ZFAND3: variants seen among roughly 807,000 people sequenced by gnomAD.
The protein encoded by ZFAND3 is zinc finger AN1-type containing 3.
In ZFAND3, 10 loss-of-function variants were observed where a neutral mutation model predicts 29.6. The ratio of observed to expected loss-of-function variants is 0.34; its 90% CI spans 0.21 to 0.57. The LOEUF (loss-of-function observed/expected upper bound fraction) is 0.57, where lower values mean the gene tolerates loss of function less well. Ranked by LOEUF, ZFAND3 falls within the 20% of genes least tolerant of loss-of-function variation. The pLI, the probability that ZFAND3 is intolerant of heterozygous loss-of-function variation, is 0.86. For synonymous variants in ZFAND3, 128 were observed against 112.6 expected, an observed-to-expected ratio of 1.14 and a Z score of -0.87; for missense variants, 230 against 304.5, an observed-to-expected ratio of 0.76 and a Z score of 1.82.
At chr6:38,133,096 T>A (rs1338738892) in intron 5 of ZFAND3, among the ~76,000 whole-genome samples, 1 of 152,212 alleles carries the variant, frequency 6.6e-6, no homozygotes, top group Non-Finnish European at 1.5e-5. Flanking sequence ...TGGTGTCTTT[T>A]TTAACAAAAC....
intron 2 of ZFAND3, among the ~76,000 whole-genome samples, chr6:38,041,670 CTTCTTCTTCTTCTTCTCCTTCTCCTT>C: frequency 4.1e-5 from 1 of 24,378 alleles, no homozygotes; most frequent in African/African-American, 1.6e-4. Context: ...TCTTCTTCTT[CTTCTTCTTCTTCTTCTCCTTCTCCTT>C]CTCCTCCTCC....
intron 2 of ZFAND3, among the ~76,000 whole-genome samples, chr6:37,933,685 A>C: frequency 6.6e-6 from 1 of 152,270 alleles, no homozygotes. Flanking sequence ...AGAGGGCCCA[A>C]CCTGGCTGGG....
intron 2 of ZFAND3, among the ~76,000 whole-genome samples, chr6:37,986,069 T>C (rs1364110989): frequency 6.6e-6 from 1 of 152,224 alleles, no homozygotes; most frequent in East Asian, 1.9e-4. Context: ...TGCAGATACG[T>C]TTGATTTGGC....
intron 2 of ZFAND3, among the ~76,000 whole-genome samples, chr6:38,056,405 A>G (rs961320992): frequency 2.0e-5 from 3 of 152,234 alleles, no homozygotes; most frequent in Admixed American, 6.5e-5. Flanking sequence ...ATTTTGAAGA[A>G]ATCATTCTGA....
At chr6:37,937,653 C>CAAAAAAAAAA (rs71542151) in intron 2 of ZFAND3, among the ~76,000 whole-genome samples, 16 of 85,420 alleles carry the variant, frequency 1.9e-4, no homozygotes, top group Non-Finnish European at 2.5e-4. Flanking sequence ...GACTCCGTCT[C>CAAAAAAAAAA]AAAAAAAAAA....
intron 1 of ZFAND3, among the ~76,000 whole-genome samples, chr6:37,926,990 G>A (rs1761497032): frequency 6.6e-6 from 1 of 152,080 alleles, no homozygotes; most frequent in Admixed American, 6.5e-5. Flanking sequence ...CCATTATTTC[G>A]GTAGCCAAAG....
chr6:38,005,162 AT>A (rs1187077051), intron 2 of ZFAND3, among the ~76,000 whole-genome samples: 1 of 152,126 alleles, frequency 6.6e-6, no homozygotes, highest in Non-Finnish European at 1.5e-5. Context: ...TCTCTGATAA[AT>A]TTCTTTAGTG....
At chr6:38,031,286 T>G (rs922940566) in intron 2 of ZFAND3, among the ~76,000 whole-genome samples, 6 of 152,250 alleles carry the variant, frequency 3.9e-5, no homozygotes, top group African/African-American at 1.2e-4. Flanking sequence ...TTCTTTCACC[T>G]TCTGACTCAT....
At chr6:37,881,928 A>G (rs1764904044) in intron 1 of ZFAND3, among the ~76,000 whole-genome samples, 2 of 152,168 alleles carry the variant, frequency 1.3e-5, no homozygotes, top group South Asian at 4.1e-4. Context: ...CTGTATAATC[A>G]CATGAAGACT....
At chr6:38,054,398 TA>T (rs201113788) in intron 2 of ZFAND3, among the ~76,000 whole-genome samples, 12,112 of 124,040 alleles carry the variant, frequency 0.098, 637 homozygotes, top group East Asian at 0.3. Context: ...TGTCTCAAAT[TA>T]AAAAAAAAAA....
At chr6:37,844,850 T>TAA (rs879611779) in intron 1 of ZFAND3, among the ~76,000 whole-genome samples, 8 of 132,800 alleles carry the variant, frequency 6.0e-5, no homozygotes, top group Non-Finnish European at 4.9e-5. Flanking sequence ...CCGTCTCTAC[T>TAA]AAAAAAAAAA....
intron 1 of ZFAND3, among the ~76,000 whole-genome samples, chr6:37,848,410 AAC>A (rs1174912664): frequency 6.6e-6 from 1 of 152,242 alleles, no homozygotes; most frequent in Non-Finnish European, 1.5e-5. Flanking sequence ...ACCTGCTGTC[AAC>A]ACCAGGGAAT....
intron 1 of ZFAND3, among the ~76,000 whole-genome samples, chr6:37,844,656 C>T (rs1271970366): frequency 2.0e-5 from 3 of 152,038 alleles, no homozygotes; most frequent in Admixed American, 1.3e-4. Context: ...GAGCTGTGGT[C>T]TGCTGGCTGA....
intron 3 of ZFAND3, among the ~76,000 whole-genome samples, chr6:38,079,215 T>C (rs1764611443): frequency 6.6e-6 from 1 of 152,204 alleles, no homozygotes; most frequent in South Asian, 2.1e-4. Context: ...AAGCTCTCTG[T>C]TTATAACATT....
In ZFAND3 at chr6:38,153,743, G is replaced by T. The variant is rs1449192634; in HGVS notation, c.*1354G>T. The T allele has an allele frequency of 1.0e-6, 1 of 985,408 alleles. No individual in the cohort carries two copies. The highest frequency in any genetic ancestry group is 1.2e-6 in the Non-Finnish European group (1 of 830,024). 61.0% of individuals were successfully genotyped at this position (985,408 alleles called of 1,614,324 possible). On this transcript the variant is annotated 3_prime_UTR_variant, in exon 6 of 6. Coordinates refer to ENST00000287218, the MANE Select transcript of ZFAND3 (RefSeq NM_021943.3). ...AGTCAGGTGGGGCTGGGGCTGGGTG[G>T]ACAGGATCAGGATTCCCTTGAAAGC... is the stretch of plus-strand genomic sequence containing the variant.
chr6:38,088,612 A>T (rs1010220244), intron 4 of ZFAND3, among the ~76,000 whole-genome samples: 1 of 152,238 alleles, frequency 6.6e-6, no homozygotes, highest in African/African-American at 2.4e-5. Context: ...TGAAATTAAA[A>T]TAAGAAAGAA....
rs1321450154 is a variant in ZFAND3 at position 38,018,468 on chromosome 6, A to G, written c.113-43125A>G. Among the ~76,000 whole-genome samples, 3 of 152,186 alleles carry G rather than the reference A, an allele frequency of 2.0e-5. No homozygotes were observed. The East Asian group carries it at 5.8e-4, about 29-fold the overall frequency. ...AGGGGAAGTACACACATTCCACAGAATTTTTAAAAGGTATAAGGGTATACG... is the reference window on the plus strand; with the variant it reads ...AGGGGAAGTACACACATTCCACAGAGTTTTTAAAAGGTATAAGGGTATACG... On this transcript the variant is annotated intron_variant, in intron 2 of 5. Transcript: ENST00000287218.
chr6:37,996,415 G>A (rs1287377420), intron 2 of ZFAND3, among the ~76,000 whole-genome samples: 10 of 152,060 alleles, frequency 6.6e-5, no homozygotes, highest in Admixed American at 6.6e-4. Flanking sequence ...ATTTAAATGA[G>A]GATGCACAGA....
intron 2 of ZFAND3, among the ~76,000 whole-genome samples, chr6:37,970,580 A>G (rs944984684): frequency 6.6e-6 from 1 of 152,152 alleles, no homozygotes; most frequent in Non-Finnish European, 1.5e-5. Flanking sequence ...TAGGATTGGA[A>G]TGGAGTCTCC....
Sources: allele counts gnomAD v4.1 joint callset (sites outside exome capture counted in the v4.1 genomes callset), GRCh38; gene constraint gnomAD v4.1.1; transcripts MANE v1.5; gene names NCBI Gene and HGNC (gene_info 2026-07-23, HGNC 2026-07-21).